The following NUCB2 variants were observed in gnomAD, a reference collection of about 807,000 sequenced individuals.
NUCB2 encodes the protein nucleobindin 2.
In NUCB2, 48 loss-of-function variants were observed where a neutral mutation model predicts 57.9. The ratio of observed to expected loss-of-function variants is 0.83; its 90% CI spans 0.66 to 1.05. NUCB2 has a LOEUF of 1.05. Among genes scored for constraint, NUCB2 ranks in the 50% least tolerant of loss-of-function variants. The pLI is 0.00. For synonymous variants in NUCB2, 139 were observed against 152.1 expected, an observed-to-expected ratio of 0.91 and a Z score of 0.64; for missense variants, 442 against 476.2, an observed-to-expected ratio of 0.93 and a Z score of 0.67.
intron 2 of NUCB2, among the ~76,000 whole-genome samples, chr11:17,345,070 G>T (rs897774075): frequency 2.0e-5 from 3 of 152,252 alleles, no homozygotes; most frequent in East Asian, 3.9e-4. Context: ...GTACCAATTT[G>T]TATAGCTTTT....
At chr11:17,303,028 G>A (rs1947017035) in intron 5 of NUCB2, among the ~76,000 whole-genome samples, 1 of 151,876 alleles carries the variant, frequency 6.6e-6, no homozygotes. Flanking sequence ...GTGAGCCACC[G>A]CACCCGGCCT....
intron 2 of NUCB2, among the ~76,000 whole-genome samples, chr11:17,346,071 GA>G (rs1262494820): frequency 6.6e-6 from 1 of 152,042 alleles, no homozygotes; most frequent in Non-Finnish European, 1.5e-5. Flanking sequence ...AATTTTCTGG[GA>G]AAAAAGATTT....
chr11:17,306,393 G>A (rs547258072), intron 5 of NUCB2, among the ~76,000 whole-genome samples: 25 of 152,242 alleles, frequency 1.6e-4, no homozygotes, highest in African/African-American at 6.0e-4. Context: ...TAAACATATA[G>A]TCTTAGAAAA....
chr11:17,311,105 C>A, intron 7 of NUCB2, 88 bp from the exon 8 acceptor site: 1 of 1,410,796 alleles, frequency 7.1e-7, no homozygotes, highest in Non-Finnish European at 9.7e-7. Context: ...AATCTTGATT[C>A]TTCTGCCAAG....
chr11:17,298,265 TA>T (rs916236661), intron 4 of NUCB2, among the ~76,000 whole-genome samples: 42 of 148,756 alleles, frequency 2.8e-4, no homozygotes, highest in African/African-American at 6.9e-4. Context: ...TCCTTCAAAT[TA>T]AAAAAAAAAT....
chr11:17,330,345 T>A lies in NUCB2; in HGVS notation c.1173+48T>A, dbSNP rs1388240231. ...TGGCATTAAAAAGATTTTAGGTGCT[T>A]TGTTAAAAGCCTGTGTTTTTGTAAC... On this transcript the variant is annotated intron_variant, in intron 12 of 13. Transcript: ENST00000529010. The surrounding 1 kb of genome is among the most constrained non-coding windows in gnomAD (Gnocchi z 4.3). 1 of 1,432,622 alleles carries A rather than the reference T, an allele frequency of 7.0e-7. No homozygotes were observed. 88.7% of individuals were successfully genotyped at this position (1,432,622 alleles called of 1,614,324 possible). A position where few individuals can be genotyped will look rare whatever the true frequency, so the allele number is the denominator to read the frequency against.
chr11:17,280,056 G>A (rs752372033), intron 1 of NUCB2, among the ~76,000 whole-genome samples: 1 of 152,088 alleles, frequency 6.6e-6, no homozygotes, highest in Non-Finnish European at 1.5e-5. Flanking sequence ...GCCTCCCAAA[G>A]TGCTGGAATT....
chr11:17,295,330 T>TG lies in NUCB2; in HGVS notation c.9dup (p.Arg4GlufsTer20). 6.2e-7 allele frequency: 1 copy of TG among 1,610,158 alleles called. No individual in the cohort carries two copies. Among genetic ancestry groups the TG allele is most frequent in the Non-Finnish European group, 8.5e-7 (1 of 1,178,040 alleles). On this transcript the variant is annotated frameshift_variant, in exon 3 of 14. Coordinates refer to ENST00000529010, the MANE Select transcript of NUCB2 (RefSeq NM_005013.4). LOFTEE classifies it high-confidence loss of function. ...AATTACTCCTTTATTTCAGATGAGGTGGAGGACCATCCTGCTACAGTATTG... is the reference window on the plus strand; with the variant it reads ...AATTACTCCTTTATTTCAGATGAGGTGGGAGGACCATCCTGCTACAGTATTG...
intron 2 of NUCB2, among the ~76,000 whole-genome samples, chr11:17,288,955 A>T (rs7935605): frequency 6.7e-5 from 4 of 59,280 alleles, no homozygotes; most frequent in African/African-American, 4.0e-4. Flanking sequence ...ACACACATAT[A>T]TATATATATT....
At chr11:17,309,522 T>C (rs746105897) in intron 5 of NUCB2, 50 bp from the exon 6 acceptor site, 3 of 1,051,700 alleles carry the variant, frequency 2.9e-6, no homozygotes. Flanking sequence ...AATTATTATG[T>C]TTCTAGCTTC....
intron 2 of NUCB2, among the ~76,000 whole-genome samples, chr11:17,340,313 G>A (rs1466666503): frequency 3.9e-5 from 6 of 152,176 alleles, no homozygotes; most frequent in Admixed American, 3.9e-4. Flanking sequence ...TGTTCACTCT[G>A]ATGGTAGTTT....
downstream of NUCB2, among the ~76,000 whole-genome samples, chr11:17,336,059 G>C (rs532430393): frequency 6.6e-6 from 1 of 151,938 alleles, no homozygotes; most frequent in East Asian, 1.9e-4. Flanking sequence ...TTTGGATTTC[G>C]GATTTTTTTG....
intron 4 of NUCB2, among the ~76,000 whole-genome samples, 154 bp from the exon 5 acceptor site, chr11:17,301,590 A>G (rs925836895): frequency 1.7e-4 from 26 of 152,132 alleles, no homozygotes; most frequent in African/African-American, 5.3e-4. Flanking sequence ...TAAAGCTAAT[A>G]TCTTTTGAAA....
chr11:17,289,433 G>A (rs1442870783), intron 2 of NUCB2, among the ~76,000 whole-genome samples: 1 of 152,128 alleles, frequency 6.6e-6, no homozygotes, highest in Non-Finnish European at 1.5e-5. Flanking sequence ...AAGACCTGGA[G>A]GGCTGGCCTT....
At chr11:17,284,374 A>G (rs1479577089) in intron 2 of NUCB2, among the ~76,000 whole-genome samples, 1 of 152,174 alleles carries the variant, frequency 6.6e-6, no homozygotes. Context: ...TTGTCCTGCA[A>G]AATGGTTCAA....
rs71457870 is a variant in NUCB2 at position 17,282,236 on chromosome 11, C to CTATA, written c.-155-533_-155-530dup. Among the ~76,000 whole-genome samples, 462 of 103,998 alleles carry CTATA rather than the reference C, an allele frequency of 4.4e-3. 3 individuals are homozygous for CTATA. The highest frequency in any genetic ancestry group is 0.011 in the Middle Eastern group (2 of 182). 68.2% of individuals were successfully genotyped at this position (103,998 alleles called of 152,430 possible). On this transcript the variant is annotated intron_variant, in intron 1 of 13. Coordinates refer to ENST00000529010, the MANE Select transcript of NUCB2 (RefSeq NM_005013.4). ...TATCTATATCTATCTATCTATCTATCTATATATATATATATATATATATTT... is the reference window on the plus strand; with the variant it reads ...TATCTATATCTATCTATCTATCTATCTATATATATATATATATATATATATATTT...
chr11:17,330,920 C>G lies in NUCB2; in HGVS notation c.1192C>G (p.Gln398Glu), dbSNP rs375015372. The change falls in exon 13 of 14, where the codon CAA (glutamine) becomes GAA (glutamate). Residue 398 changes from glutamine to glutamate, a missense_variant. Gln to Glu is a conservative substitution (Grantham distance 29, BLOSUM62 2). Transcript: ENST00000529010. The surrounding 1 kb of genome is among the most constrained non-coding windows in gnomAD (Gnocchi z 4.3). ...TCACCAGGTCATACAGCAGATGGAA[C>G]AAAAAAAATTACAACAAGGAATTCC... ...EYHQVIQQMEQKKLQQGIPPS... is the reference protein window; with the variant it reads ...EYHQVIQQMEEKKLQQGIPPS... The G allele has an allele frequency of 2.5e-6, 4 of 1,586,592 alleles. No homozygotes were observed. The highest frequency in any genetic ancestry group is 3.4e-6 in the Non-Finnish European group (4 of 1,160,874).
chr11:17,348,339 T>G (rs1229715239), intron 2 of NUCB2, among the ~76,000 whole-genome samples: 12 of 132,168 alleles, frequency 9.1e-5, no homozygotes, highest in Admixed American at 1.5e-4. Flanking sequence ...TTTTTTTTTT[T>G]TTTTTTTTTT....
Position 17,295,485 on chromosome 11 carries a change from A to C in NUCB2, c.144+18A>C. ...AACCACCAGTAAGTGAAATGAAGTG[A>C]AATGGGAGGAATTATAACTAAATGA... On this transcript the variant is annotated intron_variant, in intron 3 of 13. Transcript: ENST00000529010. 1 of 1,561,210 alleles carries C rather than the reference A, an allele frequency of 6.4e-7. No individual in the cohort carries two copies. Among genetic ancestry groups the C allele is most frequent in the Non-Finnish European group, 8.8e-7 (1 of 1,135,808 alleles).
Sources: allele counts gnomAD v4.1 joint callset (sites outside exome capture counted in the v4.1 genomes callset), GRCh38; gene constraint gnomAD v4.1.1; non-coding constraint Gnocchi (gnomAD v3.1); transcripts MANE v1.5; gene names NCBI Gene and HGNC (gene_info 2026-07-23, HGNC 2026-07-21).